Variants in CAP2 observed in about 807,000 individuals in gnomAD.
The protein encoded by CAP2 is adenylyl cyclase-associated protein 2.
A neutral mutation model predicts 57.7 loss-of-function variants in CAP2; 24 were observed. That is an observed-to-expected ratio of 0.42 (90% CI 0.30 to 0.58). The LOEUF is 0.58. Among genes scored for constraint, CAP2 ranks in the 20% least tolerant of loss-of-function variants. CAP2 has a pLI of 0.22. For missense variants in CAP2, 501 were observed against 590.3 expected, an observed-to-expected ratio of 0.85 and a Z score of 1.57; for synonymous variants, 194 against 207.2, an observed-to-expected ratio of 0.94 and a Z score of 0.55.
intron 3 of CAP2, among the ~76,000 whole-genome samples, chr6:17,454,424 G>A (rs2113583550): frequency 1.3e-5 from 2 of 152,330 alleles, no homozygotes; most frequent in South Asian, 2.1e-4. Context: ...CCAGGCGCTG[G>A]CTGAGTAGGG....
chr6:17,493,744 A>C (rs1309637287), intron 4 of CAP2: 2 of 151,384 alleles, frequency 1.3e-5, no homozygotes, highest in Non-Finnish European at 2.9e-5. Flanking sequence ...TGAGGAGTGG[A>C]GACCAGAAAG....
intron 4 of CAP2, among the ~76,000 whole-genome samples, chr6:17,492,901 C>T (rs912239624): frequency 3.3e-5 from 5 of 152,096 alleles, no homozygotes; most frequent in African/African-American, 1.2e-4. Context: ...TAGGACTATG[C>T]CTGGCACCTA....
chr6:17,492,756 C>T (rs1043841758), intron 4 of CAP2, among the ~76,000 whole-genome samples: 1 of 152,226 alleles, frequency 6.6e-6, no homozygotes, highest in Non-Finnish European at 1.5e-5. Flanking sequence ...CCCTCCTCCT[C>T]TGACCCCTTT....
chr6:17,548,726 T>C (rs1763107590), intron 11 of CAP2, among the ~76,000 whole-genome samples: 1 of 152,174 alleles, frequency 6.6e-6, no homozygotes, highest in South Asian at 2.1e-4. Flanking sequence ...TATTGACTCA[T>C]TGTAAAGTGC....
chr6:17,446,811 A>G (rs894761101), intron 3 of CAP2, among the ~76,000 whole-genome samples: 36 of 152,252 alleles, frequency 2.4e-4, no homozygotes, highest in African/African-American at 8.4e-4. Context: ...CAAAGTAAAG[A>G]GAAAATGTGG....
rs1762203484 is a variant in CAP2, at chr6:17,513,497, A to C, written c.531-352A>C. 6.6e-6 allele frequency among the ~76,000 whole-genome samples: 1 copy of C among 152,094 alleles called. No homozygotes were observed. Among genetic ancestry groups the C allele is most frequent in the Non-Finnish European group, 1.5e-5 (1 of 68,024 alleles). ...TCTCATTTTGCATCAGAAGCAGTGC[A>C]GAAAGAAACAGTCTCCCCTCCACGC... On this transcript the variant is annotated intron_variant, in intron 6 of 12. Transcript: ENST00000229922. The surrounding 1 kb of genome is among the most constrained non-coding windows in gnomAD (Gnocchi z 4.3).
chr6:17,548,023 T>C (rs1483887761), intron 11 of CAP2, among the ~76,000 whole-genome samples: 2 of 151,886 alleles, frequency 1.3e-5, no homozygotes, highest in Admixed American at 1.3e-4. Flanking sequence ...GGGTATAATA[T>C]GAACATGCAA....
intron 1 of CAP2, among the ~76,000 whole-genome samples, chr6:17,410,362 C>T (rs1759107043): frequency 2.0e-5 from 3 of 152,104 alleles, no homozygotes; most frequent in Admixed American, 2.0e-4. Context: ...GGCCCAGGAG[C>T]CTGCATTTAA....
rs780812899 is a variant in CAP2, at chr6:17,426,604, G to A, written c.136G>A (p.Val46Met). ...NGVIAGVAPS[V>M]EAFDKLMDSM... ...CTTTCCCCAAGGTGTGGCACCCTCC[G>A]TGGAAGCCTTTGACAAGCTGATGGA... Residue 46 changes from valine to methionine, a missense_variant, in exon 3 of 13, where the codon GTG (valine) becomes ATG (methionine). By Grantham distance (21) the Val-to-Met change is conservative. Coordinates refer to ENST00000229922, the MANE Select transcript of CAP2 (RefSeq NM_006366.3). The A allele has an allele frequency of 9.3e-6, 15 of 1,613,424 alleles. No homozygotes were observed. Among genetic ancestry groups the A allele is most frequent in the African/African-American group, 2.7e-5 (2 of 74,870 alleles).
At chr6:17,514,825 C>G (rs1424452106) in intron 7 of CAP2, among the ~76,000 whole-genome samples, 2 of 152,118 alleles carry the variant, frequency 1.3e-5, no homozygotes, top group Non-Finnish European at 2.9e-5. Context: ...ACTCTACAGC[C>G]ATTAAAATGC....
chr6:17,523,846 C>A (rs912929901), intron 7 of CAP2, among the ~76,000 whole-genome samples: 1 of 152,056 alleles, frequency 6.6e-6, no homozygotes, highest in African/African-American at 2.4e-5. Context: ...GAGGTTGAGG[C>A]GGTTGGATCA....
At chr6:17,485,344 A>C (rs1320883362) in intron 4 of CAP2, among the ~76,000 whole-genome samples, 1 of 152,252 alleles carries the variant, frequency 6.6e-6, no homozygotes, top group Non-Finnish European at 1.5e-5. Context: ...GCAGATGTTC[A>C]GTTACAGAAC....
intron 4 of CAP2, among the ~76,000 whole-genome samples, chr6:17,472,539 A>G (rs1249903244): frequency 2.0e-5 from 3 of 152,248 alleles, no homozygotes; most frequent in African/African-American, 7.2e-5. Context: ...TTATGTAAAC[A>G]GCAGCTTTCT....
intron 4 of CAP2, among the ~76,000 whole-genome samples, chr6:17,463,347 C>A (rs1481935544): frequency 6.6e-6 from 1 of 150,878 alleles, no homozygotes; most frequent in Non-Finnish European, 1.5e-5. Context: ...ACTAATATAT[C>A]ATTATGGCCA....
At chr6:17,415,815 T>C (rs1759258959) in intron 1 of CAP2, among the ~76,000 whole-genome samples, 1 of 152,200 alleles carries the variant, frequency 6.6e-6, no homozygotes, top group Non-Finnish European at 1.5e-5. Flanking sequence ...ATTCTAGGCT[T>C]ATCACCATTG....
chr6:17,432,416 A>G (rs770697970), intron 3 of CAP2, among the ~76,000 whole-genome samples: 32 of 152,136 alleles, frequency 2.1e-4, no homozygotes, highest in Non-Finnish European at 4.4e-4. Context: ...CCTTCAGCCA[A>G]CTTGCTCTTC....
intron 7 of CAP2, among the ~76,000 whole-genome samples, chr6:17,520,233 A>G (rs747082816): frequency 6.6e-6 from 1 of 152,050 alleles, no homozygotes; most frequent in Non-Finnish European, 1.5e-5. Flanking sequence ...TCAGCCTCCT[A>G]AGTAGCTGAG....
chr6:17,500,339 A>AT (rs1761774526), intron 4 of CAP2, among the ~76,000 whole-genome samples: 4 of 82,380 alleles, frequency 4.9e-5, no homozygotes, highest in Middle Eastern at 5.5e-3. Flanking sequence ...GTGTGTGTCC[A>AT]AATATATATA....
chr6:17,530,659 A>C (rs372914730), intron 7 of CAP2, among the ~76,000 whole-genome samples: 1 of 152,170 alleles, frequency 6.6e-6, no homozygotes, highest in South Asian at 2.1e-4. Flanking sequence ...TTTATGTACA[A>C]TCTTCACAAA....
Sources: allele counts gnomAD v4.1 joint callset (sites outside exome capture counted in the v4.1 genomes callset), GRCh38; gene constraint gnomAD v4.1.1; non-coding constraint Gnocchi (gnomAD v3.1); transcripts MANE v1.5; gene names NCBI Gene and HGNC (gene_info 2026-07-23, HGNC 2026-07-21).